Variants in EPM2A observed in about 807,000 individuals in gnomAD.
EPM2A encodes laforin.
EPM2A carries 21 observed loss-of-function variants against 26.5 expected under a neutral mutation model. That is an observed-to-expected ratio of 0.79 (90% CI 0.56 to 1.14). The LOEUF (loss-of-function observed/expected upper bound fraction) is 1.14. EPM2A is among the 50% of genes most tolerant of loss of function. The pLI, the probability that EPM2A is intolerant of heterozygous loss-of-function variation, is 0.00. For synonymous variants in EPM2A, 217 were observed against 177.6 expected (o/e 1.22, Z -1.76); for missense variants, 458 against 440.8 (o/e 1.04, Z -0.35).
chr6:145,420,502 A>AT (rs1208752749), intron 4 of EPM2A, among the ~76,000 whole-genome samples: 1 of 152,190 alleles, frequency 6.6e-6, no homozygotes, highest in Admixed American at 6.5e-5. Context: ...GATAAAAAAC[A>AT]TTTGTTCAAA....
intron 2 of EPM2A, among the ~76,000 whole-genome samples, chr6:145,658,318 C>T (rs752483559): frequency 1.3e-5 from 2 of 152,104 alleles, no homozygotes; most frequent in African/African-American, 4.8e-5. Flanking sequence ...AAATTTATGG[C>T]CTTCTTATTT....
intron 4 of EPM2A, among the ~76,000 whole-genome samples, chr6:145,412,633 T>G (rs1778659389): frequency 6.6e-6 from 1 of 152,210 alleles, no homozygotes; most frequent in Non-Finnish European, 1.5e-5. Context: ...TCTTTTCAGA[T>G]TCACATTTTT....
intron 1 of EPM2A, among the ~76,000 whole-genome samples, chr6:145,693,213 T>C (rs1781381394): frequency 6.6e-6 from 1 of 152,070 alleles, no homozygotes; most frequent in Non-Finnish European, 1.5e-5. Flanking sequence ...GGCTCTCAGC[T>C]TGGATGCTGT....
At chr6:145,513,769 T>C (rs1328949610) in intron 2 of EPM2A, among the ~76,000 whole-genome samples, 1 of 152,232 alleles carries the variant, frequency 6.6e-6, no homozygotes, top group Non-Finnish European at 1.5e-5. Flanking sequence ...ACTAACTCTC[T>C]TTTGACAGAA....
intron 4 of EPM2A, among the ~76,000 whole-genome samples, chr6:145,410,851 T>C (rs918529559): frequency 6.6e-6 from 1 of 152,154 alleles, no homozygotes; most frequent in African/African-American, 2.4e-5. Flanking sequence ...TACTTAGGAC[T>C]CTCCCCAGCC....
rs984345332 is a variant in EPM2A, at chr6:145,707,504, G to A, written c.302-21208C>T. ...TTTCCATGTGTCATGAGAGGAACCT[G>A]GTGGGAGGTAATTGAATCATGGGGG... On this transcript the variant is annotated intron_variant, in intron 1 of 3. Coordinates refer to ENST00000367519, the MANE Select transcript of EPM2A (RefSeq NM_005670.4). Among the ~76,000 whole-genome samples the A allele has an allele frequency of 5.9e-5, 9 of 152,272 alleles. 1 individual carries two copies. The South Asian group carries it at 1.9e-3, about 32-fold the overall frequency.
At chr6:145,623,418 T>C (rs1775678935), downstream of EPM2A, among the ~76,000 whole-genome samples, 1 of 152,120 alleles carries the variant, frequency 6.6e-6, no homozygotes, top group Non-Finnish European at 1.5e-5. Context: ...AGTAGCAGCA[T>C]TCCAGGTAAA....
At chr6:145,450,538 T>G (rs1382015349) in intron 4 of EPM2A, among the ~76,000 whole-genome samples, 1 of 152,136 alleles carries the variant, frequency 6.6e-6, no homozygotes, top group Non-Finnish European at 1.5e-5. Context: ...CCTTTCATCC[T>G]TTTGGGTGAT....
intron 1 of EPM2A, among the ~76,000 whole-genome samples, chr6:145,704,540 C>T (rs1782108174): frequency 6.6e-6 from 1 of 152,166 alleles, no homozygotes; most frequent in Non-Finnish European, 1.5e-5. Flanking sequence ...AGTGTTAGTA[C>T]ATCTTTTCCT....
At chr6:145,580,025 T>A (rs918303274) in intron 2 of EPM2A, among the ~76,000 whole-genome samples, 15 of 152,172 alleles carry the variant, frequency 9.9e-5, no homozygotes, top group Admixed American at 9.2e-4. Flanking sequence ...GATTATAAGC[T>A]GCAGACTACA....
At chr6:145,609,873 A>T (rs182753448) in intron 2 of EPM2A, among the ~76,000 whole-genome samples, 3 of 152,306 alleles carry the variant, frequency 2.0e-5, no homozygotes, top group African/African-American at 7.2e-5. Context: ...TTTGGAAGGG[A>T]CCTTGGAATT....
intron 1 of EPM2A, among the ~76,000 whole-genome samples, chr6:145,700,459 A>G (rs888701414): frequency 1.4e-4 from 21 of 152,158 alleles, no homozygotes; most frequent in Non-Finnish European, 5.9e-5. Context: ...TTAAAAATAG[A>G]TAAAGCATCT....
chr6:145,411,493 G>A (rs551393415), intron 4 of EPM2A, among the ~76,000 whole-genome samples: 261 of 152,086 alleles, frequency 1.7e-3, no homozygotes, highest in Middle Eastern at 6.8e-3. Flanking sequence ...TACAATATTG[G>A]CACAGGTGGT....
chr6:145,534,268 T>C (rs931892125), intron 2 of EPM2A, among the ~76,000 whole-genome samples: 2 of 152,208 alleles, frequency 1.3e-5, no homozygotes, highest in African/African-American at 4.8e-5. Context: ...AATGGGGTCA[T>C]GCATGAAACA....
chr6:145,587,589 T>C (rs1781215475), intron 2 of EPM2A, among the ~76,000 whole-genome samples: 1 of 152,196 alleles, frequency 6.6e-6, no homozygotes, highest in African/African-American at 2.4e-5. Flanking sequence ...TTTCTGTCAG[T>C]ACAGCAAATT....
At chr6:145,645,768 A>G (rs935990510) in intron 2 of EPM2A, among the ~76,000 whole-genome samples, 5 of 151,892 alleles carry the variant, frequency 3.3e-5, no homozygotes, top group African/African-American at 1.2e-4. Context: ...TAATTTTTGT[A>G]TATTTTGCAG....
At chr6:145,387,535 C>G (rs79596154) in intron 4 of EPM2A, among the ~76,000 whole-genome samples, 1 of 151,970 alleles carries the variant, frequency 6.6e-6, no homozygotes, top group African/African-American at 2.4e-5. Context: ...TTGTCAGGCA[C>G]CAGAGGGAGA....
intron 4 of EPM2A, among the ~76,000 whole-genome samples, chr6:145,457,935 G>A (rs905936848): frequency 6.6e-6 from 1 of 152,134 alleles, no homozygotes; most frequent in South Asian, 2.1e-4. Flanking sequence ...AAACTTATTA[G>A]ACAATACTTA....
intron 2 of EPM2A, among the ~76,000 whole-genome samples, chr6:145,538,607 C>A (rs377015009): frequency 6.6e-6 from 1 of 152,168 alleles, no homozygotes; most frequent in Non-Finnish European, 1.5e-5. Context: ...AAGGCACAGG[C>A]CAACATATAC....
Sources: allele counts gnomAD v4.1 joint callset (sites outside exome capture counted in the v4.1 genomes callset), GRCh38; gene constraint gnomAD v4.1.1; transcripts MANE v1.5; gene names NCBI Gene and HGNC (gene_info 2026-07-23, HGNC 2026-07-21).